Variants in INSYN2A observed in about 807,000 individuals in gnomAD.
INSYN2A encodes family with sequence similarity 196 member A.
Under a neutral mutation model 39.4 loss-of-function variants are expected in INSYN2A, and 17 were observed. The ratio of observed to expected loss-of-function variants is 0.43; its 90% CI spans 0.30 to 0.65. INSYN2A has a LOEUF of 0.65. INSYN2A is among the 30% of genes least tolerant of loss of function. The pLI is 0.14. For synonymous variants in INSYN2A, 255 were observed against 265.7 expected, an observed-to-expected ratio of 0.96 and a Z score of 0.39; for missense variants, 595 against 631.2, an observed-to-expected ratio of 0.94 and a Z score of 0.61.
At chr10:127,167,666 G>C (rs950638091) in intron 4 of INSYN2A, among the ~76,000 whole-genome samples, 2 of 151,846 alleles carry the variant, frequency 1.3e-5, no homozygotes, top group Admixed American at 1.3e-4. Flanking sequence ...TAGCTCAGAG[G>C]CTAGGCCAGG....
intron 2 of INSYN2A, among the ~76,000 whole-genome samples, chr10:127,186,086 A>T (rs1038801101): frequency 6.6e-6 from 1 of 152,206 alleles, no homozygotes; most frequent in African/African-American, 2.4e-5. Flanking sequence ...CAGTTGTCTA[A>T]TCTGCTCTAG....
chr10:127,176,347 C>T lies in INSYN2A; in HGVS notation c.49G>A (p.Glu17Lys), dbSNP rs1370658020. The change falls in exon 4 of 6, where the codon GAA (glutamate) becomes AAA (lysine). Residue 17 changes from glutamate to lysine, a missense_variant. Around this residue, in one of 2 missense-constraint regions of INSYN2A, gnomAD observed 478 missense variants for 467.4 expected, o/e 1.02. Coordinates refer to ENST00000522781, the MANE Select transcript of INSYN2A (RefSeq NM_001039762.3). The surrounding 1 kb of genome is among the most constrained non-coding windows in gnomAD (Gnocchi z 4.4). Reference protein sequence around the residue: ...GKCILTTSESEVEPAACLALE... With the variant: ...GKCILTTSESKVEPAACLALE... ...GCCAGGCAGGCGGCGGGTTCCACTT[C>T]ACTCTCCGACGTTGTGAGTATGCAT... 6.2e-6 allele frequency: 10 copies of T among 1,613,544 alleles called. No individual in the cohort carries two copies. Among genetic ancestry groups the T allele is most frequent in the Non-Finnish European group, 8.5e-6 (10 of 1,179,906 alleles).
chr10:127,162,999 G>A (rs775975054), intron 4 of INSYN2A, among the ~76,000 whole-genome samples: 35 of 152,164 alleles, frequency 2.3e-4, no homozygotes, highest in Non-Finnish European at 3.8e-4. Flanking sequence ...TAACCCGCAT[G>A]CAAACCTGCA....
intron 2 of INSYN2A, among the ~76,000 whole-genome samples, chr10:127,181,875 T>C (rs1418487513): frequency 6.6e-6 from 1 of 152,242 alleles, no homozygotes; most frequent in Non-Finnish European, 1.5e-5. Flanking sequence ...CCTCTTTTCC[T>C]TGGGGCAAAG....
chr10:127,167,282 T>C (rs2054164869), intron 4 of INSYN2A, among the ~76,000 whole-genome samples: 1 of 152,168 alleles, frequency 6.6e-6, no homozygotes, highest in African/African-American at 2.4e-5. Flanking sequence ...ACTTGAATAT[T>C]CTATTGCAAA....
intron 4 of INSYN2A, among the ~76,000 whole-genome samples, chr10:127,155,656 C>T (rs2133557628): frequency 6.6e-6 from 1 of 152,266 alleles, no homozygotes; most frequent in South Asian, 2.1e-4. Flanking sequence ...GAATGCATTC[C>T]TCCTGCACCT....
Position 127,141,043 on chromosome 10 carries a change from G to A in INSYN2A, c.1257-3023C>T, listed in dbSNP as rs530741581. Reference sequence around the variant, plus strand: ...CCTACCTGGGGCCACATCTTTGTCCGGTGCTGCCAGCTTCATGATTATCAC... The same window carrying A: ...CCTACCTGGGGCCACATCTTTGTCCAGTGCTGCCAGCTTCATGATTATCAC... On this transcript the variant is annotated intron_variant, in intron 5 of 5. Transcript: ENST00000522781. Among the ~76,000 whole-genome samples the A allele has an allele frequency of 2.6e-5, 4 of 152,234 alleles. No homozygotes were observed. In the South Asian group the frequency reaches 8.3e-4, roughly 32 times the overall value.
At chr10:127,163,043 C>T (rs772640850) in intron 4 of INSYN2A, among the ~76,000 whole-genome samples, 3 of 152,168 alleles carry the variant, frequency 2.0e-5, no homozygotes, top group African/African-American at 4.8e-5. Flanking sequence ...CTCTTCCCTC[C>T]GGGGCAGCAC....
Position 127,137,691 on chromosome 10 carries a change from A to C in INSYN2A, c.*146T>G. 1.5e-6 allele frequency: 1 copy of C among 665,464 alleles called. No homozygotes were observed. Among genetic ancestry groups the C allele is most frequent in the Non-Finnish European group, 2.5e-6 (1 of 396,658 alleles). 41.2% of individuals were successfully genotyped at this position (665,464 alleles called of 1,614,324 possible). ...GCTTCTGTTAATTATCTATTGGTAC[A>C]AAGGCCTTTTTGGTACGCAGGGCGA... On this transcript the variant is annotated 3_prime_UTR_variant, in exon 6 of 6. Transcript: ENST00000522781.
At chr10:127,145,860 T>C in intron 5 of INSYN2A, 1 of 379,048 alleles carries the variant, frequency 2.6e-6, no homozygotes, top group South Asian at 2.0e-5. Context: ...CATTAGCTGC[T>C]TGTGTGTGTC....
intron 2 of INSYN2A, among the ~76,000 whole-genome samples, chr10:127,185,483 A>G (rs2056145019): frequency 6.6e-6 from 1 of 152,172 alleles, no homozygotes; most frequent in African/African-American, 2.4e-5. Context: ...CCGAGATTGC[A>G]CCACTGCACT....
chr10:127,140,077 C>G (rs973210026), intron 5 of INSYN2A, among the ~76,000 whole-genome samples: 1 of 152,076 alleles, frequency 6.6e-6, no homozygotes, highest in Non-Finnish European at 1.5e-5. Context: ...TTCTCCAGAT[C>G]GTAACCGTTT....
At chr10:127,181,180 A>G (rs1161493950) in intron 2 of INSYN2A, among the ~76,000 whole-genome samples, 1 of 152,230 alleles carries the variant, frequency 6.6e-6, no homozygotes, top group African/African-American at 2.4e-5. Context: ...GTATGTATAT[A>G]TGCATAGGTA....
intron 4 of INSYN2A, among the ~76,000 whole-genome samples, chr10:127,161,930 A>G (rs1243181187): frequency 5.3e-5 from 8 of 152,200 alleles, no homozygotes; most frequent in Non-Finnish European, 1.2e-4. Flanking sequence ...TTCCAGAGAA[A>G]CTTAGCAGCT....
In INSYN2A at chr10:127,190,665, TCCCCCCCCCC is replaced by T. The variant is rs56041181; in HGVS notation, c.-269+1930_-269+1939del. 3.6e-4 allele frequency among the ~76,000 whole-genome samples: 15 copies of T among 41,784 alleles called. 2 individuals carry two copies. Among genetic ancestry groups the T allele is most frequent in the South Asian group, 1.5e-3 (2 of 1,324 alleles). 27.4% of individuals were successfully genotyped at this position (41,784 alleles called of 152,430 possible). A position where few individuals can be genotyped will look rare whatever the true frequency, so the allele number is the denominator to read the frequency against. On this transcript the variant is annotated intron_variant, in intron 2 of 5. Transcript: ENST00000522781. The stretch of plus-strand genomic sequence containing the variant: ...CAAATATTTAATAGAAATCCTATCT[TCCCCCCCCCC>T]CCCCCCCCGTTCCTGCTGGCTCCCA...
Position 127,176,486 on chromosome 10 carries a change from C to G in INSYN2A, c.-5-86G>C, listed in dbSNP as rs567107963. The G allele has an allele frequency of 9.2e-7, 1 of 1,091,330 alleles. No individual in the cohort carries two copies. The highest frequency in any genetic ancestry group is 1.3e-6 in the Non-Finnish European group (1 of 761,792). 67.6% of individuals were successfully genotyped at this position (1,091,330 alleles called of 1,614,324 possible). A position where few individuals can be genotyped will look rare whatever the true frequency, so the allele number is the denominator to read the frequency against. The stretch of plus-strand genomic sequence containing the variant: ...CCGCACAAACTTTTAGCCACCACGA[C>G]GACTGCCTGTTTCCTAATTATATTT... On this transcript the variant is annotated intron_variant, in intron 3 of 5. Transcript: ENST00000522781. This position sits in a 1 kb window ranked among gnomAD's most constrained non-coding sequence, Gnocchi z 4.4.
At chr10:127,154,755 C>T (rs554194267) in intron 4 of INSYN2A, among the ~76,000 whole-genome samples, 2 of 152,120 alleles carry the variant, frequency 1.3e-5, no homozygotes, top group Non-Finnish European at 2.9e-5. Flanking sequence ...TGCTAATTCT[C>T]CCCCCTAATT....
chr10:127,166,116 A>G (rs1355758182), intron 4 of INSYN2A, among the ~76,000 whole-genome samples: 2 of 152,066 alleles, frequency 1.3e-5, no homozygotes, highest in Non-Finnish European at 2.9e-5. Context: ...CGTAGGCTGG[A>G]GTGCAGGGGC....
chr10:127,155,766 T>C, intron 4 of INSYN2A, among the ~76,000 whole-genome samples: 1 of 152,220 alleles, frequency 6.6e-6, no homozygotes. Context: ...ACTTACAGCC[T>C]TTCTCCATCA....
Sources: gnomAD v4.1 joint callset for allele counts (sites outside exome capture counted in the v4.1 genomes callset) on GRCh38, gnomAD v4.1.1 for gene constraint, gnomAD v4.1.1 regional missense constraint, Gnocchi (gnomAD v3.1) non-coding constraint, MANE v1.5 for transcripts, NCBI Gene and HGNC (gene_info 2026-07-23, HGNC 2026-07-21) for gene names.